Variants in HTR1F observed in about 807,000 individuals in gnomAD.
The protein encoded by HTR1F is 5-hydroxytryptamine (serotonin) receptor 1F, G protein-coupled.
Under a neutral mutation model 24.0 loss-of-function variants are expected in HTR1F, and 17 were observed. The ratio of observed to expected loss-of-function variants is 0.71; its 90% CI spans 0.48 to 1.06. The LOEUF is 1.06. HTR1F is among the 50% of genes least tolerant of loss of function. The probability of loss-of-function intolerance (pLI) is 0.00; values close to 1 mark genes in which losing one functional copy is unlikely to be tolerated. For synonymous variants in HTR1F, 186 were observed against 156.8 expected, an observed-to-expected ratio of 1.19 and a Z score of -1.39; for missense variants, 391 against 427.8, an observed-to-expected ratio of 0.91 and a Z score of 0.76.
At position 87,900,131 on chromosome 3, in the gene HTR1F, G is replaced by T. The variant is rs564900715; in HGVS notation, c.-43+78007G>T. Among the ~76,000 whole-genome samples, 79 of 152,250 alleles carry T rather than the reference G, an allele frequency of 5.2e-4. 1 individual carries two copies. Among genetic ancestry groups the T allele is most frequent in the African/African-American group, 1.8e-3 (73 of 41,552 alleles). On this transcript the variant is annotated intron_variant, in intron 2 of 2. Transcript: ENST00000319595. The stretch of plus-strand genomic sequence containing the variant: ...GTTCATTTTATAGTATTTTCAATGG[G>T]ATAAGTAGTATTAATATAAAGAAAA...
At chr3:87,823,570 A>C (rs1410347904) in intron 2 of HTR1F, among the ~76,000 whole-genome samples, 2 of 146,682 alleles carry the variant, frequency 1.4e-5, no homozygotes, top group East Asian at 4.0e-4. Flanking sequence ...GCTGGGCTGC[A>C]GTGGCACAGT....
At chr3:87,964,242 C>A (rs978943289) in intron 2 of HTR1F, among the ~76,000 whole-genome samples, 1 of 152,032 alleles carries the variant, frequency 6.6e-6, no homozygotes, top group Non-Finnish European at 1.5e-5. Context: ...TATTCCTCAC[C>A]CTTAATCTGA....
intron 2 of HTR1F, among the ~76,000 whole-genome samples, chr3:87,830,128 T>A (rs749652560): frequency 5.9e-5 from 9 of 152,214 alleles, no homozygotes; most frequent in Non-Finnish European, 1.3e-4. Flanking sequence ...TCTTGGGTAG[T>A]TAAACATTTA....
chr3:87,891,847 T>G (rs1487945641), intron 2 of HTR1F, among the ~76,000 whole-genome samples: 4 of 152,194 alleles, frequency 2.6e-5, no homozygotes, highest in Non-Finnish European at 5.9e-5. Context: ...TCCGTGAATT[T>G]TTCAACTTCA....
intron 2 of HTR1F, among the ~76,000 whole-genome samples, chr3:87,908,757 T>A (rs950863717): frequency 1.3e-5 from 2 of 152,076 alleles, no homozygotes; most frequent in Non-Finnish European, 2.9e-5. Flanking sequence ...TATTTGTGAA[T>A]CTTTAAGACT....
At chr3:87,837,631 A>G (rs1419676617) in intron 2 of HTR1F, among the ~76,000 whole-genome samples, 1 of 152,166 alleles carries the variant, frequency 6.6e-6, no homozygotes, top group East Asian at 1.9e-4. Context: ...CCACAGTTTA[A>G]CAGTAGAAAT....
At chr3:87,917,355 AG>A (rs1487171113) in intron 2 of HTR1F, among the ~76,000 whole-genome samples, 3 of 151,598 alleles carry the variant, frequency 2.0e-5, no homozygotes. Context: ...GAAATAACCA[AG>A]ATCAGAGCAG....
At chr3:87,909,079 G>A (rs1308170998) in intron 2 of HTR1F, among the ~76,000 whole-genome samples, 1 of 151,944 alleles carries the variant, frequency 6.6e-6, no homozygotes, top group Non-Finnish European at 1.5e-5. Flanking sequence ...GTTAGTCATG[G>A]TCATGTAACT....
intron 2 of HTR1F, among the ~76,000 whole-genome samples, chr3:87,825,928 A>G (rs1219898591): frequency 6.6e-6 from 1 of 152,192 alleles, no homozygotes; most frequent in African/African-American, 2.4e-5. Context: ...GTAATACTGG[A>G]TAAGTTCACC....
intron 2 of HTR1F, among the ~76,000 whole-genome samples, chr3:87,950,659 G>A (rs576969164): frequency 1.3e-5 from 2 of 152,258 alleles, no homozygotes; most frequent in South Asian, 2.1e-4. Context: ...TACATGGAAT[G>A]GCAAGTCATC....
At chr3:87,856,676 T>G (rs546396416) in intron 2 of HTR1F, among the ~76,000 whole-genome samples, 6 of 152,202 alleles carry the variant, frequency 3.9e-5, no homozygotes, top group Non-Finnish European at 7.4e-5. Flanking sequence ...AATGCAAAAT[T>G]ATTAAACCAA....
chr3:87,968,430 C>G (rs540897207), intron 2 of HTR1F, among the ~76,000 whole-genome samples: 1 of 152,234 alleles, frequency 6.6e-6, no homozygotes, highest in South Asian at 2.1e-4. Context: ...TCAGGCTGGT[C>G]TCAAAACCCT....
chr3:87,808,873 TTG>T (rs1425756913), intron 1 of HTR1F, among the ~76,000 whole-genome samples: 1 of 151,922 alleles, frequency 6.6e-6, no homozygotes, highest in African/African-American at 2.4e-5. Flanking sequence ...GACCCAGTGG[TTG>T]TTCAGGAGCA....
chr3:87,914,971 G>A (rs778912545), intron 2 of HTR1F, among the ~76,000 whole-genome samples: 1 of 152,016 alleles, frequency 6.6e-6, no homozygotes, highest in East Asian at 1.9e-4. Context: ...ACTAAAACAG[G>A]TGCTGGTATC....
intron 2 of HTR1F, among the ~76,000 whole-genome samples, chr3:87,914,222 C>T (rs866492363): frequency 6.6e-6 from 1 of 152,096 alleles, no homozygotes; most frequent in African/African-American, 2.4e-5. Context: ...CCTACCAAGC[C>T]GTTTTTGCCT....
intron 2 of HTR1F, among the ~76,000 whole-genome samples, chr3:87,860,243 C>T (rs1160491746): frequency 3.3e-5 from 5 of 152,178 alleles, no homozygotes; most frequent in Admixed American, 3.3e-4. Context: ...ATAAAATCAA[C>T]TCTCTTTTCT....
chr3:87,989,833 T>C (rs1158548638), intron 2 of HTR1F, among the ~76,000 whole-genome samples: 1 of 152,300 alleles, frequency 6.6e-6, no homozygotes, highest in Middle Eastern at 3.4e-3. Context: ...AAAGAGAGTT[T>C]TTATTTCTGT....
intron 2 of HTR1F, among the ~76,000 whole-genome samples, chr3:87,890,844 T>C (rs1242786037): frequency 1.1e-5 from 1 of 90,530 alleles, no homozygotes. Flanking sequence ...CAATTATTTC[T>C]TTTTTTTTTT....
At chr3:87,937,407 T>C (rs1223003545) in intron 2 of HTR1F, among the ~76,000 whole-genome samples, 5 of 152,128 alleles carry the variant, frequency 3.3e-5, no homozygotes, top group Admixed American at 6.5e-5. Flanking sequence ...AGGCTTTTGA[T>C]AAAATTCGAC....
Sources: allele counts gnomAD v4.1 joint callset (sites outside exome capture counted in the v4.1 genomes callset), GRCh38; gene constraint gnomAD v4.1.1; transcripts MANE v1.5; gene names NCBI Gene and HGNC (gene_info 2026-07-23, HGNC 2026-07-21).